Variants in SEC14L1 observed in about 807,000 individuals in gnomAD.
The protein encoded by SEC14L1 is SEC14-like protein 1.
A neutral mutation model predicts 85.3 loss-of-function variants in SEC14L1; 48 were observed. The ratio of observed to expected loss-of-function variants is 0.56; its 90% CI spans 0.45 to 0.72. SEC14L1 has a LOEUF of 0.72. SEC14L1 is among the 30% of genes least tolerant of loss of function. SEC14L1 has a pLI of 0.00. For missense variants in SEC14L1, 682 were observed against 921.4 expected (o/e 0.74, Z 3.36); for synonymous variants, 391 against 355.5 (o/e 1.10, Z -1.12).
intron 3 of SEC14L1, chr17:77,185,520 A>G (rs977623776): frequency 9.2e-6 from 3 of 327,750 alleles, no homozygotes; most frequent in African/African-American, 6.7e-5. Context: ...TGTTTCAGGA[A>G]TTGGAAGGAT....
chr17:77,167,146 CTTTTTTT>C (rs72037954), intron 3 of SEC14L1, among the ~76,000 whole-genome samples: 18 of 134,576 alleles, frequency 1.3e-4, no homozygotes, highest in Admixed American at 7.5e-4. Flanking sequence ...TTTCTTTTTC[CTTTTTTT>C]TTTTTTTTTT....
rs1433854802 is a variant in SEC14L1 at position 77,217,053 on chromosome 17, A to AATTT, written c.*3031_*3032insTTTA. 6.5e-6 allele frequency: 1 copy of AATTT among 153,598 alleles called. No homozygotes were observed. The highest frequency in any genetic ancestry group is 2.4e-5 in the African/African-American group (1 of 41,496). The allele number at this position is 153,598 out of a possible 1,614,324, so 9.5% of individuals were successfully genotyped here. A position where few individuals can be genotyped will look rare whatever the true frequency, so the allele number is the denominator to read the frequency against. On this transcript the variant is annotated 3_prime_UTR_variant, in exon 17 of 17. Coordinates refer to ENST00000436233, the MANE Select transcript of SEC14L1 (RefSeq NM_001143998.2). Reference sequence around the variant, plus strand: ...GTAATACAATACTGATAGTCTTTAAAAGATTTTTTTATTGTTATCAATAAT... The same window carrying AATTT: ...GTAATACAATACTGATAGTCTTTAAAATTTAGATTTTTTTATTGTTATCAATAAT...
intron 3 of SEC14L1, among the ~76,000 whole-genome samples, chr17:77,095,508 T>C (rs1971620820): frequency 6.6e-6 from 1 of 152,194 alleles, no homozygotes; most frequent in South Asian, 2.1e-4. Context: ...TTGCCTTTTC[T>C]CTGTCACTAG....
intron 3 of SEC14L1, among the ~76,000 whole-genome samples, chr17:77,099,851 A>G (rs943577989): frequency 2.6e-5 from 4 of 152,224 alleles, no homozygotes; most frequent in African/African-American, 9.6e-5. Flanking sequence ...TTAACGGGGA[A>G]GATCAAAAGG....
At chr17:77,099,031 C>G (rs1167992996) in intron 3 of SEC14L1, 1 of 151,796 alleles carries the variant, frequency 6.6e-6, no homozygotes, top group African/African-American at 2.4e-5. Context: ...AATTATGCAG[C>G]TACAGCCAAA....
intron 1 of SEC14L1, among the ~76,000 whole-genome samples, chr17:77,142,219 C>T (rs914885022): frequency 6.6e-6 from 1 of 152,164 alleles, no homozygotes; most frequent in Admixed American, 6.5e-5. Context: ...GACCTCTCCT[C>T]TGAGAGGTAT....
At chr17:77,100,169 TTCTTCCTGGTAGATGTGGACTGACC>T (rs1021640816) in intron 3 of SEC14L1, among the ~76,000 whole-genome samples, 37 of 152,324 alleles carry the variant, frequency 2.4e-4, no homozygotes, top group East Asian at 7.7e-4. Flanking sequence ...CCTGTTGACT[TTCTTCCTGGTAGATGTGGACTGACC>T]TCTTCCTGGT....
At chr17:77,093,843 C>G (rs1971574871) in intron 3 of SEC14L1, 1 of 152,182 alleles carries the variant, frequency 6.6e-6, no homozygotes, top group South Asian at 2.1e-4. Context: ...CCTCAGTTTT[C>G]CTGCCTCAGC....
intron 3 of SEC14L1, among the ~76,000 whole-genome samples, chr17:77,156,809 A>G (rs1301137272): frequency 1.3e-5 from 2 of 152,190 alleles, no homozygotes; most frequent in Admixed American, 1.3e-4. Flanking sequence ...TTTTGTGAGT[A>G]AAATAGTTCA....
chr17:77,143,403 C>G (rs958657245), intron 2 of SEC14L1, among the ~76,000 whole-genome samples, 164 bp from the exon 3 acceptor site: 1 of 152,146 alleles, frequency 6.6e-6, no homozygotes, highest in African/African-American at 2.4e-5. Flanking sequence ...CCTCCCCCTG[C>G]CCTCATGTAT....
rs1555628453 is a variant in SEC14L1 at position 77,204,522 on chromosome 17, C to CCTTTTTTTTTTTT, written c.1099-754_1099-753insCTTTTTTTTTTTT. Among the ~76,000 whole-genome samples, 2 of 84,728 alleles carry CCTTTTTTTTTTTT rather than the reference C, an allele frequency of 2.4e-5. 1 individual carries two copies. The allele number at this position is 84,728 out of a possible 152,430, so 55.6% of individuals were successfully genotyped here. ...GGCTTGAGCCACCCTGCCCAGCCAGCTTTTTTTTTTTTTTTTTTTTTTTTT... is the reference window on the plus strand; with the variant it reads ...GGCTTGAGCCACCCTGCCCAGCCAGCCTTTTTTTTTTTTTTTTTTTTTTTTTTTTTTTTTTTTT... On this transcript the variant is annotated intron_variant, in intron 10 of 16. Transcript: ENST00000436233.
intron 3 of SEC14L1, chr17:77,127,823 G>C (rs1229812952): frequency 6.6e-6 from 1 of 152,138 alleles, no homozygotes; most frequent in Non-Finnish European, 1.5e-5. Flanking sequence ...TAGGGTCTAC[G>C]ATGATCTCAT....
chr17:77,166,698 G>T (rs1974297711), intron 3 of SEC14L1, among the ~76,000 whole-genome samples: 1 of 152,070 alleles, frequency 6.6e-6, no homozygotes, highest in Non-Finnish European at 1.5e-5. Context: ...AATTAGCCAG[G>T]CTGGGTGGCG....
chr17:77,134,446 G>T (rs183501174), intron 3 of SEC14L1, among the ~76,000 whole-genome samples: 1 of 152,006 alleles, frequency 6.6e-6, no homozygotes, highest in South Asian at 2.1e-4. Flanking sequence ...GGCCGGGTGC[G>T]GTGGCTCATG....
At chr17:77,101,491 C>G (rs1048677104) in intron 3 of SEC14L1, among the ~76,000 whole-genome samples, 1 of 152,100 alleles carries the variant, frequency 6.6e-6, no homozygotes, top group Non-Finnish European at 1.5e-5. Context: ...CTTTTTTGAC[C>G]AGACATAATA....
At chr17:77,117,765 C>G (rs1193360061) in intron 3 of SEC14L1, among the ~76,000 whole-genome samples, 2 of 152,200 alleles carry the variant, frequency 1.3e-5, no homozygotes, top group Non-Finnish European at 2.9e-5. Context: ...CTTTGAGACT[C>G]CCTGAATATT....
At position 77,206,116 on chromosome 17, in the gene SEC14L1, T is replaced by A. The variant is rs766362343; in HGVS notation, c.1170-113T>A. 6.8e-6 allele frequency: 7 copies of A among 1,035,094 alleles called. No homozygotes were observed. The highest frequency in any genetic ancestry group is 1.7e-5 in the South Asian group (1 of 60,542). 64.1% of individuals were successfully genotyped at this position (1,035,094 alleles called of 1,614,324 possible). A position where few individuals can be genotyped will look rare whatever the true frequency, so the allele number is the denominator to read the frequency against. On this transcript the variant is annotated intron_variant, in intron 11 of 16. Coordinates refer to ENST00000436233, the MANE Select transcript of SEC14L1 (RefSeq NM_001143998.2). This position sits in a 1 kb window ranked among gnomAD's most constrained non-coding sequence, Gnocchi z 4.3. ...TACATAGCACTATAATTTAAAAAAATTGATTATGATGTATTTGGAAATAGC... is the reference window on the plus strand; with the variant it reads ...TACATAGCACTATAATTTAAAAAAAATGATTATGATGTATTTGGAAATAGC...
chr17:77,205,510 G>A (rs1433982690), intron 11 of SEC14L1, among the ~76,000 whole-genome samples, 164 bp downstream of exon 11: 1 of 152,180 alleles, frequency 6.6e-6, no homozygotes, highest in Non-Finnish European at 1.5e-5. Flanking sequence ...CAGACAGTTA[G>A]TGTTTTTTGA....
intron 3 of SEC14L1, among the ~76,000 whole-genome samples, chr17:77,162,728 G>A (rs748569825): frequency 1.5e-4 from 23 of 151,850 alleles, no homozygotes; most frequent in Non-Finnish European, 2.5e-4. Context: ...TACTCGGGAG[G>A]TTGAGGCAGG....
Sources: gnomAD v4.1 joint callset for allele counts (sites outside exome capture counted in the v4.1 genomes callset) on GRCh38, gnomAD v4.1.1 for gene constraint, Gnocchi (gnomAD v3.1) non-coding constraint, MANE v1.5 for transcripts, NCBI Gene and HGNC (gene_info 2026-07-23, HGNC 2026-07-21) for gene names.